Variants in HMGCLL1 observed in about 807,000 individuals in gnomAD.
HMGCLL1 encodes 3-hydroxymethyl-3-methylglutaryl-CoA lyase, cytoplasmic.
HMGCLL1 carries 36 observed loss-of-function variants against 39.1 expected under a neutral mutation model. That is an observed-to-expected ratio of 0.92 (90% CI 0.71 to 1.22). HMGCLL1 has a LOEUF of 1.22. Among genes scored for constraint, HMGCLL1 ranks in the 50% most tolerant of loss-of-function variants. The pLI, the probability that HMGCLL1 is intolerant of heterozygous loss-of-function variation, is 0.00. For synonymous variants in HMGCLL1, 149 were observed against 144.0 expected (o/e 1.03, Z -0.25); for missense variants, 451 against 416.5 (o/e 1.08, Z -0.72).
intron 1 of HMGCLL1, among the ~76,000 whole-genome samples, chr6:55,566,217 A>G (rs1771204797): frequency 6.6e-6 from 1 of 152,156 alleles, no homozygotes; most frequent in African/African-American, 2.4e-5. Context: ...ACTTCCTTCA[A>G]GATCCAAAAA....
chr6:55,472,627 T>C (rs1362278157), intron 7 of HMGCLL1, among the ~76,000 whole-genome samples: 1 of 151,504 alleles, frequency 6.6e-6, no homozygotes, highest in Non-Finnish European at 1.5e-5. Flanking sequence ...TAATAGGGTT[T>C]TAGATTTTTA....
chr6:55,511,029 T>C (rs1348375583), intron 5 of HMGCLL1, among the ~76,000 whole-genome samples: 1 of 151,880 alleles, frequency 6.6e-6, no homozygotes, highest in Non-Finnish European at 1.5e-5. Context: ...AAGTACTACT[T>C]CATATCTTGA....
At chr6:55,663,532 G>A in the HMGCLL1 span, among the ~76,000 whole-genome samples, 175 of 151,350 alleles carry the variant, frequency 1.2e-3, no homozygotes, top group Middle Eastern at 3.4e-3. Context: ...TGTTTTTATC[G>A]CTCTGTGGTG....
intron 7 of HMGCLL1, among the ~76,000 whole-genome samples, chr6:55,465,883 T>C (rs1041760057): frequency 6.6e-6 from 1 of 151,652 alleles, no homozygotes; most frequent in African/African-American, 2.4e-5. Context: ...TCCATGAGGA[T>C]TTTTTTTCTT....
At chr6:55,512,108 A>G (rs2127434977) in intron 5 of HMGCLL1, 1 of 152,250 alleles carries the variant, frequency 6.6e-6, no homozygotes, top group African/African-American at 2.4e-5. Flanking sequence ...TAGCCCAGTT[A>G]CATTAACTAT....
chr6:55,494,726 T>C (rs559830968), intron 7 of HMGCLL1, among the ~76,000 whole-genome samples: 2 of 152,338 alleles, frequency 1.3e-5, no homozygotes, highest in Non-Finnish European at 2.9e-5. Context: ...ATTCTGAGAA[T>C]ATCAAACAAA....
At chr6:55,495,341 C>T in intron 7 of HMGCLL1, 78 bp downstream of exon 7, 1 of 1,095,682 alleles carries the variant, frequency 9.1e-7, no homozygotes, top group South Asian at 1.6e-5. Context: ...TGTAACAATA[C>T]AGCTTTCAGT....
chr6:55,533,898 A>AAAAAAAAAAG (rs1465856659), intron 3 of HMGCLL1, among the ~76,000 whole-genome samples: 2 of 148,890 alleles, frequency 1.3e-5, no homozygotes, highest in Non-Finnish European at 3.0e-5. Context: ...AAAAAAAAAA[A>AAAAAAAAAAG]AAGAAGTTAC....
chr6:55,615,827 T>G, the HMGCLL1 span, among the ~76,000 whole-genome samples: 1 of 152,178 alleles, frequency 6.6e-6, no homozygotes, highest in African/African-American at 2.4e-5. Flanking sequence ...TTTGGGAAAG[T>G]TAAGCTAGAG....
chr6:55,598,678 G>T, the HMGCLL1 span, among the ~76,000 whole-genome samples: 2 of 152,138 alleles, frequency 1.3e-5, no homozygotes, highest in African/African-American at 4.8e-5. Context: ...TTTTGCATGA[G>T]ATATCAAGTT....
chr6:55,441,478 CAT>C (rs1763595768), intron 7 of HMGCLL1, among the ~76,000 whole-genome samples: 1 of 152,068 alleles, frequency 6.6e-6, no homozygotes, highest in Non-Finnish European at 1.5e-5. Context: ...CTAAAGAACA[CAT>C]GTTGGCAAGT....
the HMGCLL1 span, among the ~76,000 whole-genome samples, chr6:55,592,384 G>A: frequency 6.6e-6 from 1 of 151,986 alleles, no homozygotes; most frequent in African/African-American, 2.4e-5. Context: ...TAGAAGATAT[G>A]GATTTACTAA....
chr6:55,491,450 T>C (rs1423209412), intron 7 of HMGCLL1, among the ~76,000 whole-genome samples: 2 of 152,146 alleles, frequency 1.3e-5, no homozygotes, highest in Non-Finnish European at 2.9e-5. Flanking sequence ...AAAAACATTA[T>C]GAGAAAAGGC....
intron 7 of HMGCLL1, among the ~76,000 whole-genome samples, chr6:55,450,450 T>A (rs912392148): frequency 5.3e-5 from 8 of 152,364 alleles, no homozygotes; most frequent in African/African-American, 1.9e-4. Context: ...TTCCCTCAAC[T>A]GTAAAATGAG....
the HMGCLL1 span, among the ~76,000 whole-genome samples, chr6:55,647,754 T>A: frequency 1.2e-3 from 150 of 127,026 alleles, 1 homozygote; most frequent in Admixed American, 4.5e-3. Context: ...CCTTTTTTTT[T>A]TTTTATTTTA....
rs182683844 is a variant in HMGCLL1 at position 55,496,755 on chromosome 6, T to C, written c.607-1148A>G. ...TGAATTGCTCAATACGCATCATAGA[T>C]TGAGGTCTCCAGCTACATTTGCCCA... On this transcript the variant is annotated intron_variant, in intron 6 of 8. Coordinates refer to ENST00000274901, the MANE Select transcript of HMGCLL1 (RefSeq NM_001042406.2). 4.3e-3 allele frequency among the ~76,000 whole-genome samples: 661 copies of C among 152,228 alleles called. 22 individuals carry two copies. The highest frequency in any genetic ancestry group is 0.04 in the Admixed American group (607 of 15,266).
the HMGCLL1 span, among the ~76,000 whole-genome samples, chr6:55,631,594 C>T: frequency 4.6e-5 from 7 of 152,006 alleles, no homozygotes. Flanking sequence ...CATTAAGCCT[C>T]GTGATCCTAA....
upstream of HMGCLL1, among the ~76,000 whole-genome samples, chr6:55,582,916 T>C (rs1007347435): frequency 3.9e-5 from 6 of 152,108 alleles, no homozygotes; most frequent in African/African-American, 1.4e-4. Flanking sequence ...AAATCATTTC[T>C]TATAATAAGT....
the HMGCLL1 span, among the ~76,000 whole-genome samples, chr6:55,607,548 C>CG: frequency 6.6e-6 from 1 of 152,104 alleles, no homozygotes; most frequent in Non-Finnish European, 1.5e-5. Context: ...CATGCCCTTT[C>CG]TCACGGCCGC....
Sources: allele counts gnomAD v4.1 joint callset (sites outside exome capture counted in the v4.1 genomes callset), GRCh38; gene constraint gnomAD v4.1.1; transcripts MANE v1.5; gene names NCBI Gene and HGNC (gene_info 2026-07-23, HGNC 2026-07-21).